Variants in DPP10 observed in about 807,000 individuals in gnomAD.
DPP10 encodes the protein dipeptidyl peptidase like 10.
DPP10 carries 33 observed loss-of-function variants against 120.9 expected under a neutral mutation model. The ratio of observed to expected loss-of-function variants is 0.27; its 90% CI spans 0.21 to 0.37. DPP10 has a LOEUF of 0.37. Ranked by LOEUF, DPP10 falls within the 10% of genes least tolerant of loss-of-function variation. The pLI is 1.00. For synonymous variants in DPP10, 337 were observed against 326.1 expected (o/e 1.03, Z -0.36); for missense variants, 816 against 942.8 (o/e 0.87, Z 1.76).
chr2:114,611,181 C>T (rs1449889272), intron 1 of DPP10, among the ~76,000 whole-genome samples: 1 of 152,080 alleles, frequency 6.6e-6, no homozygotes, highest in Non-Finnish European at 1.5e-5. Context: ...AATCGGAGTG[C>T]CCCTGCTCTG....
intron 1 of DPP10, among the ~76,000 whole-genome samples, chr2:114,945,017 G>A (rs778715781): frequency 9.9e-5 from 15 of 152,134 alleles, no homozygotes; most frequent in Non-Finnish European, 1.9e-4. Flanking sequence ...AAATGATATT[G>A]GAGAACTTGA....
intron 19 of DPP10, among the ~76,000 whole-genome samples, chr2:115,804,389 G>T (rs1685653443): frequency 6.6e-6 from 1 of 152,050 alleles, no homozygotes; most frequent in South Asian, 2.1e-4. Context: ...TCCTCCTTTA[G>T]CTCGGAGTAG....
At chr2:114,843,217 C>G (rs10496480) in intron 1 of DPP10, among the ~76,000 whole-genome samples, 30,817 of 151,976 alleles carry the variant, frequency 0.2, 4,685 homozygotes, top group African/African-American at 0.43. Context: ...TACTACTTAT[C>G]TGATTCTTGG....
chr2:115,411,914 AAC>A (rs2068985059), intron 3 of DPP10, among the ~76,000 whole-genome samples: 1 of 152,152 alleles, frequency 6.6e-6, no homozygotes. Flanking sequence ...TCTGTTCCTT[AAC>A]AGTGTAATTT....
At chr2:114,465,168 A>C (rs1679251945) in intron 1 of DPP10, among the ~76,000 whole-genome samples, 1 of 152,182 alleles carries the variant, frequency 6.6e-6, no homozygotes, top group Admixed American at 6.6e-5. Flanking sequence ...AAGTAACTTA[A>C]GTTTTCTGAA....
chr2:115,213,044 T>G (rs1429601843), intron 1 of DPP10, among the ~76,000 whole-genome samples: 1 of 152,144 alleles, frequency 6.6e-6, no homozygotes, highest in African/African-American at 2.4e-5. Flanking sequence ...ATTCTTTACG[T>G]GAGTTCTTAA....
intron 1 of DPP10, among the ~76,000 whole-genome samples, chr2:114,788,897 GTT>G (rs1382594887): frequency 6.6e-6 from 1 of 152,096 alleles, no homozygotes; most frequent in Non-Finnish European, 1.5e-5. Flanking sequence ...CATGTACTGT[GTT>G]TAGCAAGCAA....
At chr2:115,500,564 G>T (rs1323222925) in intron 4 of DPP10, among the ~76,000 whole-genome samples, 1 of 151,864 alleles carries the variant, frequency 6.6e-6, no homozygotes. Context: ...AGGAGAAAAG[G>T]TCATTACAAT....
At chr2:114,585,174 T>G (rs1338268201) in intron 1 of DPP10, among the ~76,000 whole-genome samples, 2 of 152,164 alleles carry the variant, frequency 1.3e-5, no homozygotes, top group Non-Finnish European at 2.9e-5. Flanking sequence ...ACACTCTCCT[T>G]TGGAGACTCT....
intron 8 of DPP10, among the ~76,000 whole-genome samples, chr2:115,729,902 G>GT (rs763137960): frequency 6.6e-6 from 1 of 152,168 alleles, no homozygotes; most frequent in East Asian, 1.9e-4. Flanking sequence ...CTAAGCAGAT[G>GT]TAACAATTTG....
intron 1 of DPP10, among the ~76,000 whole-genome samples, chr2:114,445,266 A>G (rs1448574008): frequency 6.6e-6 from 1 of 152,118 alleles, no homozygotes. Context: ...CCTGCAGGTA[A>G]TGATAACCCA....
chr2:114,551,312 C>G (rs1687869421), intron 1 of DPP10, among the ~76,000 whole-genome samples: 1 of 152,184 alleles, frequency 6.6e-6, no homozygotes, highest in Admixed American at 6.5e-5. Flanking sequence ...CGCTGCCCCC[C>G]TGCCTGAAAA....
intron 1 of DPP10, among the ~76,000 whole-genome samples, chr2:114,967,491 A>T (rs1229175302): frequency 6.6e-6 from 1 of 152,202 alleles, no homozygotes; most frequent in African/African-American, 2.4e-5. Context: ...GGGCTTAGGC[A>T]GAAGTGGTAT....
At chr2:115,535,213 C>T (rs1210072229) in intron 5 of DPP10, among the ~76,000 whole-genome samples, 2 of 151,634 alleles carry the variant, frequency 1.3e-5, no homozygotes, top group African/African-American at 4.8e-5. Context: ...ATGGTATTGC[C>T]TAGGTTTTCT....
chr2:114,838,678 C>T (rs151187438), intron 1 of DPP10, among the ~76,000 whole-genome samples: 1 of 152,282 alleles, frequency 6.6e-6, no homozygotes, highest in East Asian at 1.9e-4. Context: ...CCTCCAATTT[C>T]TCCCTAGGAA....
chr2:114,766,625 A>G (rs908408310), intron 1 of DPP10, among the ~76,000 whole-genome samples: 4 of 152,194 alleles, frequency 2.6e-5, no homozygotes, highest in Non-Finnish European at 4.4e-5. Flanking sequence ...GCTATAAGCA[A>G]TAACCTGGAT....
At chr2:114,798,134 A>C (rs1306769365) in intron 1 of DPP10, among the ~76,000 whole-genome samples, 1 of 152,198 alleles carries the variant, frequency 6.6e-6, no homozygotes, top group South Asian at 2.1e-4. Flanking sequence ...AAGGCCAGCC[A>C]AGTCTAAGTA....
intron 1 of DPP10, among the ~76,000 whole-genome samples, chr2:115,078,055 T>A (rs1229437527): frequency 6.6e-6 from 1 of 152,186 alleles, no homozygotes; most frequent in East Asian, 1.9e-4. Flanking sequence ...AAAGAAAACT[T>A]CTCTATCATT....
intron 1 of DPP10, among the ~76,000 whole-genome samples, chr2:114,942,890 A>C (rs1427334749): frequency 2.0e-5 from 3 of 152,134 alleles, no homozygotes; most frequent in African/African-American, 7.2e-5. Flanking sequence ...TCTTTGTAAA[A>C]ATGAACTGTT....
Sources: allele counts gnomAD v4.1 joint callset (sites outside exome capture counted in the v4.1 genomes callset), GRCh38; gene constraint gnomAD v4.1.1; transcripts MANE v1.5; gene names NCBI Gene and HGNC (gene_info 2026-07-23, HGNC 2026-07-21).